NECAB1: variants seen among roughly 807,000 people sequenced by gnomAD.
NECAB1 encodes the protein N-terminal EF-hand calcium-binding protein 1.
Under a neutral mutation model 57.5 loss-of-function variants are expected in NECAB1, and 29 were observed. That is an observed-to-expected ratio of 0.50 (90% CI 0.38 to 0.69). The LOEUF (loss-of-function observed/expected upper bound fraction) is 0.69, where lower values mean the gene tolerates loss of function less well. NECAB1 is among the 30% of genes least tolerant of loss of function. The pLI, the probability that NECAB1 is intolerant of heterozygous loss-of-function variation, is 0.00. For synonymous variants in NECAB1, 142 were observed against 147.7 expected (o/e 0.96, Z 0.28); for missense variants, 372 against 413.8 (o/e 0.90, Z 0.88).
intron 10 of NECAB1, among the ~76,000 whole-genome samples, chr8:90,944,154 A>G (rs1023236379): frequency 2.6e-5 from 4 of 152,188 alleles, no homozygotes; most frequent in African/African-American, 9.6e-5. Context: ...GTCTGACTCT[A>G]AAACTAGCGT....
At chr8:90,918,618 A>T (rs1563533812) in intron 6 of NECAB1, among the ~76,000 whole-genome samples, 1 of 152,176 alleles carries the variant, frequency 6.6e-6, no homozygotes, top group African/African-American at 2.4e-5. Context: ...AAATCAAGAG[A>T]TCAGTGAAAA....
At position 90,879,870 on chromosome 8, in the gene NECAB1, T is replaced by G. The variant is rs1161479534; in HGVS notation, c.260-1163T>G. On this transcript the variant is annotated intron_variant, in intron 4 of 12. Coordinates refer to ENST00000417640, the MANE Select transcript of NECAB1 (RefSeq NM_022351.5). ...TTATAAGAGATAGTTTACACCACAT[T>G]GTTTTTAAGGAATGCATTTTACTTT... 3.3e-5 allele frequency among the ~76,000 whole-genome samples: 5 copies of G among 152,320 alleles called. No individual in the cohort carries two copies. The South Asian group carries it at 6.2e-4, about 19-fold the overall frequency.
intron 2 of NECAB1, among the ~76,000 whole-genome samples, chr8:90,805,636 A>G (rs1811835153): frequency 6.6e-6 from 1 of 151,828 alleles, no homozygotes; most frequent in African/African-American, 2.4e-5. Context: ...GAAATATAAA[A>G]CTTCTGAGGA....
chr8:90,934,682 C>T (rs954446866), intron 9 of NECAB1, among the ~76,000 whole-genome samples: 2 of 152,060 alleles, frequency 1.3e-5, no homozygotes, highest in Admixed American at 6.6e-5. Context: ...TTTTGTAAAT[C>T]CTGCTATGTT....
intron 1 of NECAB1, among the ~76,000 whole-genome samples, chr8:90,793,516 G>C (rs1333525068): frequency 6.6e-6 from 1 of 152,094 alleles, no homozygotes; most frequent in Non-Finnish European, 1.5e-5. Context: ...GGTGCTCATG[G>C]CTTAACGGGC....
At chr8:90,888,451 G>A (rs1008387175) in intron 5 of NECAB1, among the ~76,000 whole-genome samples, 2 of 152,154 alleles carry the variant, frequency 1.3e-5, no homozygotes, top group Admixed American at 6.5e-5. Context: ...CTTCTGTCAC[G>A]AGAATTAAAT....
rs181601845 is a variant in NECAB1, at chr8:90,828,842, T to C, written c.233+4017T>C. 3.8e-3 allele frequency among the ~76,000 whole-genome samples: 580 copies of C among 152,132 alleles called. 2 individuals carry two copies. Among genetic ancestry groups the C allele is most frequent in the African/African-American group, 0.013 (526 of 41,544 alleles). ...GAGAAGAAAGTCAAATATGTTTTTG[T>C]CATCAGGGCAAAGTATTGCTGAAAA... is the stretch of plus-strand genomic sequence containing the variant. On this transcript the variant is annotated intron_variant, in intron 3 of 12. Coordinates refer to ENST00000417640, the MANE Select transcript of NECAB1 (RefSeq NM_022351.5).
intron 5 of NECAB1, among the ~76,000 whole-genome samples, chr8:90,910,852 G>C (rs1809813605): frequency 6.6e-6 from 1 of 152,080 alleles, no homozygotes. Context: ...CTTGCTCTCA[G>C]GTTTGTCTCA....
chr8:90,879,810 A>G (rs1808804957), intron 4 of NECAB1, among the ~76,000 whole-genome samples: 2 of 152,364 alleles, frequency 1.3e-5, no homozygotes, highest in East Asian at 3.9e-4. Flanking sequence ...TAAATATTTT[A>G]TTTATCTTCC....
intron 2 of NECAB1, among the ~76,000 whole-genome samples, chr8:90,804,621 A>G (rs111584679): frequency 7.9e-5 from 12 of 152,314 alleles, no homozygotes; most frequent in African/African-American, 2.9e-4. Flanking sequence ...TTTATCCCAT[A>G]AATAAATACA....
chr8:90,807,189 T>C (rs983743238), intron 2 of NECAB1, among the ~76,000 whole-genome samples: 1 of 152,216 alleles, frequency 6.6e-6, no homozygotes, highest in African/African-American at 2.4e-5. Flanking sequence ...GAATGACTAA[T>C]ACACCTCCAG....
At chr8:90,826,380 A>C in intron 3 of NECAB1, among the ~76,000 whole-genome samples, 1 of 151,952 alleles carries the variant, frequency 6.6e-6, no homozygotes, top group East Asian at 1.9e-4. Context: ...TTTATAGGTA[A>C]TTGTGGATCT....
At chr8:90,813,496 T>C (rs1246841552) in intron 2 of NECAB1, among the ~76,000 whole-genome samples, 1 of 152,122 alleles carries the variant, frequency 6.6e-6, no homozygotes, top group African/African-American at 2.4e-5. Flanking sequence ...TGTTAAAATA[T>C]TTTAATGCTA....
chr8:90,879,288 A>G (rs1459327374), intron 4 of NECAB1, among the ~76,000 whole-genome samples: 1 of 150,008 alleles, frequency 6.7e-6, no homozygotes, highest in Non-Finnish European at 1.5e-5. Context: ...TCCCAGGCTC[A>G]AGCAATCCTC....
chr8:90,896,608 A>C (rs201834904), intron 5 of NECAB1, among the ~76,000 whole-genome samples: 16 of 149,948 alleles, frequency 1.1e-4, no homozygotes, highest in South Asian at 6.3e-4. Flanking sequence ...CCGTCTCAAA[A>C]AAAAACAAAA....
intron 5 of NECAB1, among the ~76,000 whole-genome samples, chr8:90,909,541 G>A (rs899745401): frequency 7.9e-5 from 12 of 152,120 alleles, no homozygotes; most frequent in South Asian, 4.1e-4. Flanking sequence ...TTCGGGGACC[G>A]TTTATACTTA....
chr8:90,809,979 A>G (rs1811928593), intron 2 of NECAB1, among the ~76,000 whole-genome samples: 1 of 152,234 alleles, frequency 6.6e-6, no homozygotes, highest in South Asian at 2.1e-4. Flanking sequence ...TTTAATCTGT[A>G]TAACAATATT....
chr8:90,879,128 A>G (rs1808788723), intron 4 of NECAB1, among the ~76,000 whole-genome samples: 1 of 141,338 alleles, frequency 7.1e-6, no homozygotes, highest in Non-Finnish European at 1.5e-5. Context: ...ATATCTATAT[A>G]TAATATATAT....
At chr8:90,921,713 T>C (rs776358531) in intron 6 of NECAB1, among the ~76,000 whole-genome samples, 2 of 151,392 alleles carry the variant, frequency 1.3e-5, no homozygotes, top group Non-Finnish European at 2.9e-5. Flanking sequence ...AACCTGCAGG[T>C]ATCATTAAAA....
Sources: gnomAD v4.1 joint callset for allele counts (sites outside exome capture counted in the v4.1 genomes callset) on GRCh38, gnomAD v4.1.1 for gene constraint, MANE v1.5 for transcripts, NCBI Gene and HGNC (gene_info 2026-07-23, HGNC 2026-07-21) for gene names.